The following ZNF804B variants were observed in gnomAD, a reference collection of about 807,000 sequenced individuals.
The protein encoded by ZNF804B is zinc finger 804B.
In ZNF804B, 80 loss-of-function variants were observed where a neutral mutation model predicts 101.4. That is an observed-to-expected ratio of 0.79 (90% CI 0.66 to 0.95). The LOEUF (loss-of-function observed/expected upper bound fraction) is 0.95, where lower values mean the gene tolerates loss of function less well. ZNF804B is among the 40% of genes least tolerant of loss of function. ZNF804B has a pLI of 0.00. For missense variants in ZNF804B, 1,673 were observed against 1,561.9 expected (o/e 1.07, Z -1.20); for synonymous variants, 622 against 558.8 (o/e 1.11, Z -1.59).
intron 1 of ZNF804B, among the ~76,000 whole-genome samples, chr7:88,846,236 A>T (rs138002548): frequency 6.6e-6 from 1 of 151,432 alleles, no homozygotes; most frequent in Admixed American, 6.6e-5. Context: ...AGTCGAATAC[A>T]TTTTGCATCT....
At chr7:88,939,146 T>C (rs1170414449) in intron 1 of ZNF804B, among the ~76,000 whole-genome samples, 1 of 152,014 alleles carries the variant, frequency 6.6e-6, no homozygotes, top group African/African-American at 2.4e-5. Context: ...CCATTGGGGA[T>C]TGTTTTCAGG....
At chr7:89,327,235 C>A (rs2115982309) in intron 2 of ZNF804B, 109 bp from the exon 3 acceptor site, 3 of 1,038,200 alleles carry the variant, frequency 2.9e-6, no homozygotes, top group South Asian at 4.1e-5. Context: ...CTCTTTCTGC[C>A]CAGAAAGTCA....
intron 2 of ZNF804B, among the ~76,000 whole-genome samples, chr7:89,301,399 C>G (rs1584113783): frequency 6.6e-6 from 1 of 151,764 alleles, no homozygotes; most frequent in East Asian, 1.9e-4. Flanking sequence ...CAAACTCACC[C>G]TGTGAACCCT....
At chr7:88,860,126 A>T (rs978924982) in intron 1 of ZNF804B, among the ~76,000 whole-genome samples, 1 of 152,052 alleles carries the variant, frequency 6.6e-6, no homozygotes, top group South Asian at 2.1e-4. Context: ...GCTTTGTTAT[A>T]TTTGGAAAAT....
At chr7:89,268,805 G>T (rs577475933) in intron 2 of ZNF804B, among the ~76,000 whole-genome samples, 1 of 151,932 alleles carries the variant, frequency 6.6e-6, no homozygotes, top group African/African-American at 2.4e-5. Context: ...GTATTCTCTG[G>T]AAGGGATAAG....
intron 1 of ZNF804B, among the ~76,000 whole-genome samples, chr7:88,907,052 A>G (rs188517880): frequency 2.2e-3 from 337 of 151,948 alleles, no homozygotes; most frequent in African/African-American, 8.0e-3. Flanking sequence ...AAGAATAGTG[A>G]CTCTTGGTCT....
chr7:88,850,831 A>G (rs1458794110), intron 1 of ZNF804B, among the ~76,000 whole-genome samples: 1 of 152,144 alleles, frequency 6.6e-6, no homozygotes, highest in Non-Finnish European at 1.5e-5. Flanking sequence ...AAACTAATCC[A>G]TAAATGACAC....
intron 1 of ZNF804B, among the ~76,000 whole-genome samples, chr7:88,950,844 T>G (rs1793207647): frequency 1.3e-5 from 2 of 151,866 alleles, no homozygotes; most frequent in Non-Finnish European, 2.9e-5. Context: ...CATATATAGT[T>G]TTTGAATTGC....
chr7:88,886,003 G>C (rs1792119783), intron 1 of ZNF804B, among the ~76,000 whole-genome samples: 1 of 151,992 alleles, frequency 6.6e-6, no homozygotes, highest in Non-Finnish European at 1.5e-5. Flanking sequence ...GTATCTATCT[G>C]TTCTTTTCAG....
chr7:88,853,876 T>C (rs905362212), intron 1 of ZNF804B, among the ~76,000 whole-genome samples: 17 of 152,144 alleles, frequency 1.1e-4, no homozygotes, highest in Non-Finnish European at 2.1e-4. Context: ...GCTTTAAGCA[T>C]GCATAAGGAC....
At chr7:88,934,994 A>G (rs550202849) in intron 1 of ZNF804B, among the ~76,000 whole-genome samples, 1 of 151,874 alleles carries the variant, frequency 6.6e-6, no homozygotes, top group South Asian at 2.1e-4. Flanking sequence ...CATCAAACAG[A>G]GTGGGTAAAG....
chr7:89,175,093 T>C (rs1791298547), intron 1 of ZNF804B, among the ~76,000 whole-genome samples: 3 of 152,060 alleles, frequency 2.0e-5, no homozygotes, highest in Admixed American at 2.0e-4. Context: ...CTTTTTAAGT[T>C]GATGTGATCT....
At chr7:89,047,769 A>C (rs1233236890) in intron 1 of ZNF804B, among the ~76,000 whole-genome samples, 2 of 152,144 alleles carry the variant, frequency 1.3e-5, no homozygotes, top group Non-Finnish European at 2.9e-5. Context: ...AGCAGAAGGC[A>C]TGAACACCCT....
intron 2 of ZNF804B, among the ~76,000 whole-genome samples, chr7:89,309,759 CAAAAAAAAAAAAAAAAAAAAA>C (rs397791531): frequency 0.023 from 1,644 of 70,762 alleles, 43 homozygotes; most frequent in Non-Finnish European, 0.03. Context: ...GACCCTGTCT[CAAAAAAAAAAAAAAAAAAAAA>C]AAAAAAAAAA....
intron 2 of ZNF804B, among the ~76,000 whole-genome samples, chr7:89,312,942 T>C (rs1032801712): frequency 6.6e-5 from 10 of 152,236 alleles, no homozygotes; most frequent in African/African-American, 2.2e-4. Flanking sequence ...TTATTTTGAT[T>C]GTAGTGTTAT....
At chr7:89,027,260 CAG>C (rs1370427024) in intron 1 of ZNF804B, among the ~76,000 whole-genome samples, 1 of 150,796 alleles carries the variant, frequency 6.6e-6, no homozygotes, top group Non-Finnish European at 1.5e-5. Flanking sequence ...GAGAGAGAGA[CAG>C]AGAGAATCTT....
At chr7:89,296,996 A>G (rs1790394182) in intron 2 of ZNF804B, among the ~76,000 whole-genome samples, 1 of 152,054 alleles carries the variant, frequency 6.6e-6, no homozygotes, top group African/African-American at 2.4e-5. Context: ...CTTTGCACTA[A>G]CCAATAATTA....
intron 2 of ZNF804B, among the ~76,000 whole-genome samples, chr7:89,288,525 G>A (rs192396997): frequency 1.2e-4 from 18 of 152,224 alleles, no homozygotes; most frequent in Admixed American, 5.9e-4. Flanking sequence ...TACTTTTAAC[G>A]ATGCAATAAT....
At chr7:88,820,231 A>G (rs1330338386) in intron 1 of ZNF804B, among the ~76,000 whole-genome samples, 1 of 152,242 alleles carries the variant, frequency 6.6e-6, no homozygotes, top group African/African-American at 2.4e-5. Context: ...GATACAAAAC[A>G]TTCTACAAAA....
Sources: gnomAD v4.1 joint callset for allele counts (sites outside exome capture counted in the v4.1 genomes callset) on GRCh38, gnomAD v4.1.1 for gene constraint, MANE v1.5 for transcripts, NCBI Gene and HGNC (gene_info 2026-07-23, HGNC 2026-07-21) for gene names.